CREB3L2: variants seen among roughly 807,000 people sequenced by gnomAD.
CREB3L2 encodes the protein cyclic AMP-responsive element-binding protein 3-like protein 2.
CREB3L2 carries 23 observed loss-of-function variants against 57.2 expected under a neutral mutation model. The ratio of observed to expected loss-of-function variants is 0.40; its 90% CI spans 0.29 to 0.57. CREB3L2 has a LOEUF of 0.57. CREB3L2 is among the 20% of genes least tolerant of loss of function. CREB3L2 has a pLI of 0.42. For synonymous variants in CREB3L2, 268 were observed against 265.1 expected, an observed-to-expected ratio of 1.01 and a Z score of -0.11; for missense variants, 628 against 634.7, an observed-to-expected ratio of 0.99 and a Z score of 0.11.
At position 137,876,374 on chromosome 7, in the gene CREB3L2, G is replaced by A. The variant is rs1799155301; in HGVS notation, c.*4102C>T. 4.3e-6 allele frequency: 1 copy of A among 232,552 alleles called. No individual in the cohort carries two copies. The allele number at this position is 232,552 out of a possible 1,614,324, so 14.4% of individuals were successfully genotyped here. Reference sequence around the variant, plus strand: ...TGTGTGTGTGTGTGTGTGTGTCAGAGAGAGAAGAAGGGAGAGAGAAGTATA... The same window carrying A: ...TGTGTGTGTGTGTGTGTGTGTCAGAAAGAGAAGAAGGGAGAGAGAAGTATA... On this transcript the variant is annotated 3_prime_UTR_variant, in exon 12 of 12. Coordinates refer to ENST00000330387, the MANE Select transcript of CREB3L2 (RefSeq NM_194071.4).
At chr7:137,922,644 C>A (rs1227083225) in intron 2 of CREB3L2, 1 of 448,640 alleles carries the variant, frequency 2.2e-6, no homozygotes, top group Admixed American at 2.4e-5. Flanking sequence ...TTGAACCATG[C>A]GGGTCCACTC....
chr7:137,880,258 G>A lies in CREB3L2; in HGVS notation c.*218C>T, dbSNP rs186597021. 1.4e-3 allele frequency: 770 copies of A among 566,218 alleles called. 2 individuals carry two copies. Among genetic ancestry groups the A allele is most frequent in the Non-Finnish European group, 2.1e-3 (672 of 312,576 alleles). The allele number at this position is 566,218 out of a possible 1,614,324, so 35.1% of individuals were successfully genotyped here. On this transcript the variant is annotated 3_prime_UTR_variant, in exon 12 of 12. Coordinates refer to ENST00000330387, the MANE Select transcript of CREB3L2 (RefSeq NM_194071.4). The surrounding 1 kb of genome is among the most constrained non-coding windows in gnomAD (Gnocchi z 4.0). ...CCTATGGCAGTAAGAGAAAGGAAGG[G>A]AGGGATGCAGGCTCCCTTCTGCACA...
chr7:137,896,696 T>C (rs1355959175), intron 8 of CREB3L2, among the ~76,000 whole-genome samples: 1 of 152,074 alleles, frequency 6.6e-6, no homozygotes, highest in African/African-American at 2.4e-5. Flanking sequence ...AAAAGCGTTA[T>C]CCACGAGGAG....
intron 2 of CREB3L2, 44 bp downstream of exon 2, chr7:137,928,106 C>T: frequency 2.0e-6 from 3 of 1,476,832 alleles, no homozygotes; most frequent in Middle Eastern, 2.3e-4. Flanking sequence ...GAGCTCAGAA[C>T]CAAAGGCGCT....
At chr7:137,913,230 G>T in intron 3 of CREB3L2, 152 bp from the exon 4 acceptor site, 1 of 723,578 alleles carries the variant, frequency 1.4e-6, no homozygotes. Context: ...CTGACAGGGA[G>T]TCATTTTAGT....
intron 1 of CREB3L2, among the ~76,000 whole-genome samples, chr7:137,934,640 C>T (rs906175594): frequency 2.0e-5 from 3 of 152,190 alleles, no homozygotes; most frequent in African/African-American, 7.2e-5. Context: ...GACGGTCATC[C>T]GCTATGAACA....
chr7:137,910,271 C>T (rs1799978884), intron 4 of CREB3L2, among the ~76,000 whole-genome samples: 1 of 152,082 alleles, frequency 6.6e-6, no homozygotes, highest in African/African-American at 2.4e-5. Context: ...CTCTCTCCCA[C>T]CCTTTCTTTC....
At chr7:137,960,809 C>CTCTTT (rs1801305577) in intron 1 of CREB3L2, among the ~76,000 whole-genome samples, 1 of 95,574 alleles carries the variant, frequency 1.0e-5, no homozygotes, top group Non-Finnish European at 1.9e-5. Context: ...TAAATTATTT[C>CTCTTT]TTTTTTTTTT....
chr7:137,886,016 T>A (rs1317042426), intron 8 of CREB3L2, among the ~76,000 whole-genome samples: 1 of 152,176 alleles, frequency 6.6e-6, no homozygotes, highest in Non-Finnish European at 1.5e-5. Context: ...CCTTCCACTA[T>A]GAGAGGACAC....
At chr7:137,958,175 A>G (rs1255282226) in intron 1 of CREB3L2, among the ~76,000 whole-genome samples, 4 of 152,228 alleles carry the variant, frequency 2.6e-5, no homozygotes, top group African/African-American at 9.6e-5. Context: ...CAATTTGAAC[A>G]GTTCACACTA....
intron 7 of CREB3L2, among the ~76,000 whole-genome samples, chr7:137,903,454 A>C (rs927548339): frequency 6.6e-6 from 1 of 152,140 alleles, no homozygotes; most frequent in Non-Finnish European, 1.5e-5. Context: ...CAGACTTTTC[A>C]AAAGAACAAA....
intron 1 of CREB3L2, among the ~76,000 whole-genome samples, chr7:138,000,613 T>C (rs1802057169): frequency 6.6e-6 from 1 of 152,120 alleles, no homozygotes; most frequent in Non-Finnish European, 1.5e-5. Context: ...ATCTTGGTAC[T>C]GACCCCATTA....
In CREB3L2 at chr7:137,968,986, C is replaced by T. The variant is rs146920614; in HGVS notation, c.102+32618G>A. Among the ~76,000 whole-genome samples, 32 of 152,206 alleles carry T rather than the reference C, an allele frequency of 2.1e-4. No homozygotes were observed. The East Asian group carries it at 6.2e-3, about 29-fold the overall frequency. ...AATAGGGTCAAGGAAAAAAGTGGAT[C>T]AGAGGAGAGAGAAGGAACGAAGAAG... On this transcript the variant is annotated intron_variant, in intron 1 of 11. Transcript: ENST00000330387.
At chr7:137,918,664 C>A (rs1328006319) in intron 2 of CREB3L2, among the ~76,000 whole-genome samples, 1 of 151,984 alleles carries the variant, frequency 6.6e-6, no homozygotes, top group African/African-American at 2.4e-5. Flanking sequence ...TGAGATAAGG[C>A]CAGATCCCTT....
chr7:137,880,293 T>G lies in CREB3L2; in HGVS notation c.*183A>C. The G allele has an allele frequency of 1.6e-6, 1 of 612,910 alleles. No homozygotes were observed. The highest frequency in any genetic ancestry group is 3.0e-6 in the Non-Finnish European group (1 of 336,640). 38.0% of individuals were successfully genotyped at this position (612,910 alleles called of 1,614,324 possible). A position where few individuals can be genotyped will look rare whatever the true frequency, so the allele number is the denominator to read the frequency against. ...GGCTCCCTTCTGCACAGGAGGGGCA[T>G]GGACCAGGGGGAGATGCTCTCTCAC... is the stretch of plus-strand genomic sequence containing the variant. On this transcript the variant is annotated 3_prime_UTR_variant, in exon 12 of 12. Coordinates refer to ENST00000330387, the MANE Select transcript of CREB3L2 (RefSeq NM_194071.4). The surrounding 1 kb of genome is among the most constrained non-coding windows in gnomAD (Gnocchi z 4.0).
chr7:137,973,509 T>C (rs548676879), intron 1 of CREB3L2, among the ~76,000 whole-genome samples: 3 of 152,324 alleles, frequency 2.0e-5, no homozygotes, highest in African/African-American at 7.2e-5. Flanking sequence ...GCTGTGCTCC[T>C]TGGTGGGAGC....
chr7:137,934,653 T>C (rs1800740599), intron 1 of CREB3L2, among the ~76,000 whole-genome samples: 1 of 152,208 alleles, frequency 6.6e-6, no homozygotes, highest in South Asian at 2.1e-4. Context: ...TATGAACACA[T>C]GGTCTCCTGC....
chr7:137,951,486 C>G (rs780976060), intron 1 of CREB3L2, among the ~76,000 whole-genome samples: 66 of 152,136 alleles, frequency 4.3e-4, no homozygotes, highest in Non-Finnish European at 7.1e-4. Context: ...CCCTTAGCAG[C>G]AAAGGGTTAG....
intron 1 of CREB3L2, among the ~76,000 whole-genome samples, chr7:137,972,589 G>A (rs1449675409): frequency 7.3e-6 from 1 of 137,884 alleles, no homozygotes; most frequent in East Asian, 2.3e-4. Flanking sequence ...GCTCACATCT[G>A]TAATCCCAGC....
Sources: gnomAD v4.1 joint callset for allele counts (sites outside exome capture counted in the v4.1 genomes callset) on GRCh38, gnomAD v4.1.1 for gene constraint, Gnocchi (gnomAD v3.1) non-coding constraint, MANE v1.5 for transcripts, NCBI Gene and HGNC (gene_info 2026-07-23, HGNC 2026-07-21) for gene names.